The following XPO4 variants were observed in gnomAD, a reference collection of about 807,000 sequenced individuals.
XPO4 encodes exportin 4.
Under a neutral mutation model 143.0 loss-of-function variants are expected in XPO4, and 39 were observed. That is an observed-to-expected ratio of 0.27 (90% CI 0.21 to 0.36). The LOEUF is 0.36. XPO4 is among the 10% of genes least tolerant of loss of function. XPO4 has a pLI of 1.00. For missense variants in XPO4, 907 were observed against 1,348.0 expected (o/e 0.67, Z 5.12); for synonymous variants, 439 against 474.0 (o/e 0.93, Z 0.96).
intron 3 of XPO4, among the ~76,000 whole-genome samples, chr13:20,862,312 C>A (rs543723690): frequency 6.6e-5 from 10 of 152,208 alleles, no homozygotes; most frequent in Admixed American, 2.6e-4. Context: ...ACAACAACAA[C>A]AAAAAACTAA....
chr13:20,866,415 T>G (rs1431347178), intron 2 of XPO4: 1 of 971,344 alleles, frequency 1.0e-6, no homozygotes, highest in African/African-American at 1.8e-5. Flanking sequence ...TCCCCTTTAG[T>G]AGAATATATT....
intron 13 of XPO4, among the ~76,000 whole-genome samples, chr13:20,801,381 A>G (rs2137850613): frequency 6.6e-6 from 1 of 152,272 alleles, no homozygotes; most frequent in East Asian, 1.9e-4. Context: ...ACTACTTAAA[A>G]CTACCCTGGT....
chr13:20,852,542 G>A, intron 4 of XPO4: 1 of 985,168 alleles, frequency 1.0e-6, no homozygotes. Flanking sequence ...AGACACTGCT[G>A]AAGCATCAGC....
chr13:20,811,842 C>T (rs1391246138), intron 9 of XPO4, among the ~76,000 whole-genome samples: 1 of 152,066 alleles, frequency 6.6e-6, no homozygotes, highest in Non-Finnish European at 1.5e-5. Flanking sequence ...TGTGAGATGA[C>T]GCATACAGGG....
intron 22 of XPO4, among the ~76,000 whole-genome samples, chr13:20,784,376 G>C (rs771815340): frequency 6.6e-5 from 10 of 152,204 alleles, no homozygotes; most frequent in Admixed American, 2.6e-4. Context: ...ACAGCAATGT[G>C]CACAAAGACA....
intron 2 of XPO4, chr13:20,863,074 C>A (rs1346500217): frequency 7.9e-7 from 1 of 1,258,918 alleles, no homozygotes; most frequent in Non-Finnish European, 1.0e-6. Context: ...TCACAATTTT[C>A]ACAAACTTTC....
In XPO4 at chr13:20,827,186, T is replaced by C. The variant is rs767748707; in HGVS notation, c.728-7A>G. 7.5e-6 allele frequency: 12 copies of C among 1,596,280 alleles called. No individual in the cohort carries two copies. Among genetic ancestry groups the C allele is most frequent in the Non-Finnish European group, 9.5e-6 (11 of 1,163,972 alleles). ...GCTATATAATGTCTGCCCAGTTATTTGGTGTCAAGGTCAACAACAATAACA... is the reference window on the plus strand; with the variant it reads ...GCTATATAATGTCTGCCCAGTTATTCGGTGTCAAGGTCAACAACAATAACA... On this transcript the variant is annotated splice_region_variant and splice_polypyrimidine_tract_variant and intron_variant, in intron 6 of 22. Transcript: ENST00000255305.
At chr13:20,795,655 G>A (rs905548315) in intron 18 of XPO4, among the ~76,000 whole-genome samples, 1 of 152,136 alleles carries the variant, frequency 6.6e-6, no homozygotes, top group African/African-American at 2.4e-5. Flanking sequence ...ATGGAGAAGT[G>A]ATTAGTCAGG....
chr13:20,815,513 ATC>A (rs2059638826), intron 9 of XPO4, among the ~76,000 whole-genome samples: 2 of 152,194 alleles, frequency 1.3e-5, no homozygotes, highest in Non-Finnish European at 2.9e-5. Flanking sequence ...TAAATCTAAT[ATC>A]AGGTACTGTA....
rs766616591 is a variant in XPO4, at chr13:20,823,569, G to GTT, written c.841-1282_841-1281dup. Among the ~76,000 whole-genome samples, 847 of 144,124 alleles carry GTT rather than the reference G, an allele frequency of 5.9e-3. 5 individuals carry two copies. Among genetic ancestry groups the GTT allele is most frequent in the Non-Finnish European group, 6.8e-3 (450 of 65,724 alleles). The allele number at this position is 144,124 out of a possible 152,430, so 94.6% of individuals were successfully genotyped here. A position where few individuals can be genotyped will look rare whatever the true frequency, so the allele number is the denominator to read the frequency against. On this transcript the variant is annotated intron_variant, in intron 7 of 22. Coordinates refer to ENST00000255305, the MANE Select transcript of XPO4 (RefSeq NM_022459.5). ...ATGGCTGTGAGCTAAGAATGGTTGT[G>GTT]TTTTTTTCTTTTTTCCATTTTTGTA...
At position 20,796,936 on chromosome 13, in the gene XPO4, A is replaced by G. The variant is rs775441808; in HGVS notation, c.2444T>C (p.Ile815Thr). ...GTTGTCAATCTGGGTAGCCTCAGCA[A>G]TGCCACACAGGGCCTCTAGTGTGGC... ...ITATLEALCG[I>T]AEATQIDNVA... is the part of the protein sequence containing the mutation. The change falls in exon 17 of 23, where the codon ATT becomes ACT. Residue 815 changes from isoleucine to threonine, a missense_variant. Coordinates refer to ENST00000255305, the MANE Select transcript of XPO4 (RefSeq NM_022459.5). 29 of 1,614,166 alleles carry G rather than the reference A, an allele frequency of 1.8e-5. No individual in the cohort carries two copies. The highest frequency in any genetic ancestry group is 2.4e-5 in the Non-Finnish European group (28 of 1,180,018).
At chr13:20,845,211 C>T (rs1393519121) in intron 4 of XPO4, among the ~76,000 whole-genome samples, 1 of 152,080 alleles carries the variant, frequency 6.6e-6, no homozygotes, top group African/African-American at 2.4e-5. Context: ...TTCCTATTTG[C>T]CTCTTAATCT....
chr13:20,802,096 C>T (rs1280467610), intron 13 of XPO4, among the ~76,000 whole-genome samples: 2 of 152,110 alleles, frequency 1.3e-5, no homozygotes, highest in African/African-American at 2.4e-5. Flanking sequence ...TGCTCTGTCA[C>T]CCAGGCTGCA....
chr13:20,865,957 ATTTTG>A, intron 2 of XPO4: 2 of 882,718 alleles, frequency 2.3e-6, no homozygotes, highest in Non-Finnish European at 2.7e-6. Flanking sequence ...GTGGTTTATT[ATTTTG>A]TTTTGTTTTG....
chr13:20,872,291 T>C (rs2060306391), intron 1 of XPO4, among the ~76,000 whole-genome samples: 1 of 152,190 alleles, frequency 6.6e-6, no homozygotes, highest in Non-Finnish European at 1.5e-5. Flanking sequence ...TTCACTCACC[T>C]TTCCCCAGTT....
intron 2 of XPO4, 42 bp downstream of exon 2, chr13:20,868,554 G>T: frequency 6.3e-7 from 1 of 1,595,934 alleles, no homozygotes; most frequent in South Asian, 1.1e-5. Flanking sequence ...ACCCAGATCT[G>T]ATTATGCCAA....
In XPO4 at chr13:20,809,846, A is replaced by G. The variant is rs769805605; in HGVS notation, c.1295T>C (p.Val432Ala). ...GTGGCACTGAATATAGGAATTGAAA[A>G]CTTGAACTGCATGTTGGGTAAAAAA... Reference protein sequence around the residue: ...KGFFTQHAVQVFNSYIQCHLA... With the variant: ...KGFFTQHAVQAFNSYIQCHLA... Residue 432 changes from valine to alanine, a missense_variant, in exon 10 of 23, where the codon GTT (valine) becomes GCT (alanine). Val to Ala is a moderately conservative substitution (Grantham distance 64). Coordinates refer to ENST00000255305, the MANE Select transcript of XPO4 (RefSeq NM_022459.5). 2 of 1,613,740 alleles carry G rather than the reference A, an allele frequency of 1.2e-6. No homozygotes were observed. Among genetic ancestry groups the G allele is most frequent in the Non-Finnish European group, 8.5e-7 (1 of 1,179,830 alleles).
intron 4 of XPO4, among the ~76,000 whole-genome samples, chr13:20,854,942 A>T (rs1195182975): frequency 6.6e-6 from 1 of 152,232 alleles, no homozygotes; most frequent in Non-Finnish European, 1.5e-5. Flanking sequence ...GATATTTTCT[A>T]CTTTATTCAA....
intron 6 of XPO4, among the ~76,000 whole-genome samples, chr13:20,842,401 A>AT (rs1235979509): frequency 6.6e-6 from 1 of 152,162 alleles, no homozygotes; most frequent in Admixed American, 6.5e-5. Flanking sequence ...CAAAATTCTC[A>AT]TTTTTTTATA....
Sources: gnomAD v4.1 joint callset for allele counts (sites outside exome capture counted in the v4.1 genomes callset) on GRCh38, gnomAD v4.1.1 for gene constraint, MANE v1.5 for transcripts, NCBI Gene and HGNC (gene_info 2026-07-23, HGNC 2026-07-21) for gene names.